The following TMPRSS15 variants were observed in gnomAD, a reference collection of about 807,000 sequenced individuals.
TMPRSS15 encodes transmembrane serine protease 15, also known as enteropeptidase.
A neutral mutation model predicts 125.3 loss-of-function variants in TMPRSS15; 128 were observed. The ratio of observed to expected loss-of-function variants is 1.02; its 90% CI spans 0.89 to 1.18. The LOEUF is 1.18. Among genes scored for constraint, TMPRSS15 ranks in the 50% most tolerant of loss-of-function variants. TMPRSS15 has a pLI of 0.00. For synonymous variants in TMPRSS15, 446 were observed against 423.2 expected (o/e 1.05, Z -0.66); for missense variants, 1,283 against 1,212.7 (o/e 1.06, Z -0.86).
At chr21:18,392,089 G>T (rs933056476) in intron 3 of TMPRSS15, among the ~76,000 whole-genome samples, 3 of 152,160 alleles carry the variant, frequency 2.0e-5, no homozygotes, top group Non-Finnish European at 4.4e-5. Context: ...AGGCCTCCAG[G>T]CCTGTGATGG....
At chr21:18,483,334 C>T (rs937318795) in intron 1 of TMPRSS15, among the ~76,000 whole-genome samples, 2 of 151,804 alleles carry the variant, frequency 1.3e-5, no homozygotes, top group African/African-American at 4.8e-5. Flanking sequence ...CGCTTCTCTA[C>T]ACCCTGGGCT....
chr21:18,343,576 T>G lies in TMPRSS15; in HGVS notation c.1358A>C (p.Gln453Pro), dbSNP rs201371507. The part of the protein sequence containing the change: ...NDQNMEKTVF[Q>P]KEGNYGDNWN... The stretch of plus-strand genomic sequence containing the variant: ...ATTGTCTCCATAATTTCCTTCCTTT[T>G]GGAAAACTGTCTTCTCCATATTTTG... Residue 453 changes from glutamine (Q) to proline (P), a missense_variant, in exon 12 of 25, where the codon CAA (glutamine) becomes CCA (proline). By Grantham distance (76) the Gln-to-Pro change is moderately conservative. Transcript: ENST00000284885. 12 of 1,613,270 alleles carry G rather than the reference T, an allele frequency of 7.4e-6. No homozygotes were observed. The highest frequency in any genetic ancestry group is 1.0e-5 in the Non-Finnish European group (12 of 1,179,404).
At chr21:18,287,153 G>C (rs1374688598) in intron 21 of TMPRSS15, among the ~76,000 whole-genome samples, 2 of 152,080 alleles carry the variant, frequency 1.3e-5, no homozygotes, top group Non-Finnish European at 1.5e-5. Flanking sequence ...CTTATCAGAG[G>C]AAAGATTTTG....
intron 1 of TMPRSS15, among the ~76,000 whole-genome samples, chr21:18,464,211 C>T (rs113709986): frequency 3.3e-5 from 5 of 149,698 alleles, no homozygotes; most frequent in African/African-American, 1.2e-4. Flanking sequence ...CTTTGAAACC[C>T]ATGAGAACAA....
chr21:18,307,724 T>C (rs1402974298), intron 18 of TMPRSS15, among the ~76,000 whole-genome samples: 3 of 152,128 alleles, frequency 2.0e-5, no homozygotes, highest in African/African-American at 7.2e-5. Context: ...TCCTTCCAAT[T>C]CATTGGAAGG....
rs1205774949 is a variant in TMPRSS15, at chr21:18,466,692, A to T, written c.10+19107T>A. 2.0e-5 allele frequency among the ~76,000 whole-genome samples: 3 copies of T among 152,236 alleles called. No homozygotes were observed. The South Asian group carries it at 6.2e-4, about 32-fold the overall frequency. ...ACAACACTGGTCACTAGAGAAATGC[A>T]AATCAAAACCACAATGAGATATCAT... On this transcript the variant is annotated intron_variant, in intron 1 of 7. Coordinates refer to the TMPRSS15 transcript ENST00000422787.
At chr21:18,395,411 T>C (rs193174126) in intron 3 of TMPRSS15, among the ~76,000 whole-genome samples, 1 of 152,298 alleles carries the variant, frequency 6.6e-6, no homozygotes, top group Non-Finnish European at 1.5e-5. Context: ...AGACTGATAA[T>C]CTAAAACTTC....
chr21:18,336,043 A>T (rs1210981338), intron 13 of TMPRSS15, among the ~76,000 whole-genome samples: 1 of 151,626 alleles, frequency 6.6e-6, no homozygotes, highest in Non-Finnish European at 1.5e-5. Context: ...TGTAAATAAC[A>T]TGCAGTATTT....
At chr21:18,382,308 G>C (rs1034932618) in intron 4 of TMPRSS15, among the ~76,000 whole-genome samples, 2 of 152,112 alleles carry the variant, frequency 1.3e-5, no homozygotes, top group African/African-American at 2.4e-5. Flanking sequence ...GTAGTTTTCA[G>C]CTCATCTGAA....
intron 21 of TMPRSS15, among the ~76,000 whole-genome samples, chr21:18,285,012 A>G (rs1046303195): frequency 7.1e-6 from 1 of 139,864 alleles, no homozygotes; most frequent in African/African-American, 2.7e-5. Context: ...AAAAAAAAAA[A>G]GAGAAAAAAA....
chr21:18,331,994 C>G (rs2075349781), intron 14 of TMPRSS15, 90 bp downstream of exon 14: 1 of 1,191,692 alleles, frequency 8.4e-7, no homozygotes, highest in Admixed American at 1.7e-5. Context: ...CCATGTTTGA[C>G]AAATTTATAA....
At chr21:18,377,484 T>C (rs1387544885) in intron 5 of TMPRSS15, among the ~76,000 whole-genome samples, 1 of 152,056 alleles carries the variant, frequency 6.6e-6, no homozygotes, top group Non-Finnish European at 1.5e-5. Flanking sequence ...GATGGTACAG[T>C]GGTATCTGTA....
chr21:18,290,911 T>A (rs1337273428), intron 21 of TMPRSS15, among the ~76,000 whole-genome samples: 1 of 152,172 alleles, frequency 6.6e-6, no homozygotes. Flanking sequence ...TTGGTGAGTC[T>A]GAGTAAAGGT....
At chr21:18,278,119 A>G (rs1400550548) in intron 23 of TMPRSS15, among the ~76,000 whole-genome samples, 1 of 152,204 alleles carries the variant, frequency 6.6e-6, no homozygotes, top group African/African-American at 2.4e-5. Context: ...TCAAGTTACA[A>G]GAGATTCCAT....
intron 1 of TMPRSS15, among the ~76,000 whole-genome samples, chr21:18,416,751 A>T (rs994796104): frequency 2.5e-4 from 38 of 152,050 alleles, no homozygotes; most frequent in Admixed American, 2.5e-3. Flanking sequence ...GACTTTCTTT[A>T]TCTTTTGCTA....
rs1555911473 is a variant in TMPRSS15 at position 18,413,348 on chromosome 21, C to CTTCCT, written c.11-15024_11-15020dup. ...CCTTCCTTCCTTCCTTCCTTCCTTC[C>CTTCCT]TTCCTTCCTTCCTTTCCTTCCTTCC... is the stretch of plus-strand genomic sequence containing the variant. On this transcript the variant is annotated intron_variant, in intron 1 of 7. Transcript: ENST00000422787. Among the ~76,000 whole-genome samples the CTTCCT allele has an allele frequency of 1.1e-3, 139 of 131,466 alleles. 1 individual carries two copies. The highest frequency in any genetic ancestry group is 3.8e-3 in the African/African-American group (128 of 33,700). 86.2% of individuals were successfully genotyped at this position (131,466 alleles called of 152,430 possible).
chr21:18,273,072 T>C (rs577988455), intron 24 of TMPRSS15, among the ~76,000 whole-genome samples: 1 of 152,308 alleles, frequency 6.6e-6, no homozygotes, highest in Admixed American at 6.5e-5. Flanking sequence ...GTGGTGCTGC[T>C]GGACTGGAGG....
chr21:18,365,693 TCCTTCCTA>T lies in TMPRSS15; in HGVS notation c.665-453_665-446del, dbSNP rs1193591982. Among the ~76,000 whole-genome samples, 133 of 140,210 alleles carry T rather than the reference TCCTTCCTA, an allele frequency of 9.5e-4. 3 individuals carry two copies. Among genetic ancestry groups the T allele is most frequent in the African/African-American group, 3.4e-3 (124 of 36,940 alleles). 92.0% of individuals were successfully genotyped at this position (140,210 alleles called of 152,430 possible). A position where few individuals can be genotyped will look rare whatever the true frequency, so the allele number is the denominator to read the frequency against. On this transcript the variant is annotated intron_variant, in intron 6 of 24. Transcript: ENST00000284885. ...TTCCTTCCTTCCTTCCTTCCTTCCT[TCCTTCCTA>T]CCTTCTCTCTCTCTCTTTCTTTCTC...
At chr21:18,357,043 TTTGA>T (rs1430500729) in intron 8 of TMPRSS15, among the ~76,000 whole-genome samples, 1 of 151,808 alleles carries the variant, frequency 6.6e-6, no homozygotes, top group Non-Finnish European at 1.5e-5. Context: ...GGCTAAGCAT[TTTGA>T]AACCGTTTTC....
Sources: allele counts gnomAD v4.1 joint callset (sites outside exome capture counted in the v4.1 genomes callset), GRCh38; gene constraint gnomAD v4.1.1; transcripts MANE v1.5; gene names NCBI Gene and HGNC (gene_info 2026-07-23, HGNC 2026-07-21).